VWF: variants seen among roughly 807,000 people sequenced by gnomAD.
VWF encodes the protein von Willebrand factor.
Under a neutral mutation model 308.6 loss-of-function variants are expected in VWF, and 176 were observed. The observed-to-expected ratio is 0.57, with a 90% CI of 0.50 to 0.65. VWF has a LOEUF of 0.65. VWF is among the 30% of genes least tolerant of loss of function. The pLI, the probability that VWF is intolerant of heterozygous loss-of-function variation, is 0.00. For missense variants in VWF, 3,146 were observed against 3,648.2 expected, an observed-to-expected ratio of 0.86 and a Z score of 3.55; for synonymous variants, 1,385 against 1,443.4, an observed-to-expected ratio of 0.96 and a Z score of 0.92.
At chr12:6,064,772 A>G (rs1944692654) in intron 11 of VWF, among the ~76,000 whole-genome samples, 1 of 152,118 alleles carries the variant, frequency 6.6e-6, no homozygotes, top group South Asian at 2.1e-4. Context: ...CACATGTACC[A>G]CAGAGTTCAG....
chr12:6,071,676 C>T (rs1168193414), intron 9 of VWF, among the ~76,000 whole-genome samples: 2 of 152,110 alleles, frequency 1.3e-5, no homozygotes, highest in Non-Finnish European at 2.9e-5. Context: ...AGCAAGAGAG[C>T]GATATGGAAA....
chr12:6,102,762 T>C (rs1479605331), intron 5 of VWF, among the ~76,000 whole-genome samples: 1 of 152,014 alleles, frequency 6.6e-6, no homozygotes, highest in Non-Finnish European at 1.5e-5. Flanking sequence ...AAAATAGAAT[T>C]GCCATGCTAA....
At chr12:5,988,184 C>T (rs1279958196) in intron 38 of VWF, among the ~76,000 whole-genome samples, 1 of 152,166 alleles carries the variant, frequency 6.6e-6, no homozygotes, top group Non-Finnish European at 1.5e-5. Context: ...AGGAACACTC[C>T]CGCAGTGCCC....
At chr12:6,008,750 T>C (rs967286364) in intron 34 of VWF, among the ~76,000 whole-genome samples, 3 of 152,198 alleles carry the variant, frequency 2.0e-5, no homozygotes, top group Non-Finnish European at 4.4e-5. Flanking sequence ...GACATGATCA[T>C]ATGCATAGAA....
At chr12:5,971,232 C>G (rs138299403) in intron 44 of VWF, among the ~76,000 whole-genome samples, 2 of 152,198 alleles carry the variant, frequency 1.3e-5, no homozygotes, top group Non-Finnish European at 2.9e-5. Context: ...GTCTGAGGAC[C>G]CTGCCTGGGT....
intron 14 of VWF, among the ~76,000 whole-genome samples, chr12:6,057,299 G>A (rs1308390545): frequency 1.4e-5 from 2 of 140,618 alleles, no homozygotes; most frequent in African/African-American, 2.8e-5. Flanking sequence ...GTCGAAGGAC[G>A]GGGACTATGG....
At chr12:6,120,421 G>C (rs1028667216) in intron 3 of VWF, among the ~76,000 whole-genome samples, 12 of 151,830 alleles carry the variant, frequency 7.9e-5, no homozygotes, top group African/African-American at 2.9e-4. Flanking sequence ...TCCTGCCTCA[G>C]CCTCCCAAGT....
chr12:6,025,491 G>A (rs1944179716), intron 24 of VWF, 89 bp downstream of exon 24: 1 of 1,034,540 alleles, frequency 9.7e-7, no homozygotes, highest in Non-Finnish European at 1.5e-6. Flanking sequence ...CACGAGGGTA[G>A]TGTCCACGTT....
intron 3 of VWF, among the ~76,000 whole-genome samples, chr12:6,111,443 G>T (rs753778954): frequency 5.9e-5 from 9 of 152,162 alleles, no homozygotes; most frequent in Non-Finnish European, 1.3e-4. Context: ...TGTGAACATG[G>T]CTCGCTGCAG....
At chr12:5,971,483 G>A (rs1259045982) in intron 44 of VWF, 116 bp downstream of exon 44, 14 of 845,568 alleles carry the variant, frequency 1.7e-5, no homozygotes, top group African/African-American at 6.6e-5. Context: ...CAACAGCTGG[G>A]TGAAATGCCC....
Position 5,994,141 on chromosome 12 carries a change from A to G in VWF, c.6319T>C (p.Trp2107Arg). 1.2e-6 allele frequency: 2 copies of G among 1,614,216 alleles called. No individual in the cohort carries two copies. The highest frequency in any genetic ancestry group is 1.7e-6 in the Non-Finnish European group (2 of 1,180,034). ...MLRDGTVTTD[W>R]KTLVQEWTVQ... ...GTCCATTCCTGAACAAGTGTTTTCC[A>G]GTCTGTGGTGACTGTGCCATCCCTC... Residue 2107 changes from tryptophan (W) to arginine (R), a missense_variant, in exon 37 of 52, where the codon TGG (tryptophan) becomes CGG (arginine). By Grantham distance (101) the Trp-to-Arg change is moderately radical. Around this residue, in one of 3 missense-constraint regions of VWF, gnomAD observed 989 missense variants for 1,117.4 expected, o/e 0.89. Coordinates refer to ENST00000261405, the MANE Select transcript of VWF (RefSeq NM_000552.5).
chr12:6,057,609 T>C (rs909198157), intron 14 of VWF, among the ~76,000 whole-genome samples: 1 of 88,698 alleles, frequency 1.1e-5, no homozygotes, highest in Non-Finnish European at 2.1e-5. Context: ...CTCGGTAGAC[T>C]TTTTTTTTTT....
chr12:5,960,037 C>A (rs1943294954), intron 47 of VWF, among the ~76,000 whole-genome samples: 1 of 147,534 alleles, frequency 6.8e-6, no homozygotes. Context: ...AAAGTTGGAT[C>A]TTTGAAAGAT....
At position 6,121,028 on chromosome 12, in the gene VWF, G is replaced by A. The variant is rs1945425460; in HGVS notation, c.220+146C>T. On this transcript the variant is annotated intron_variant, in intron 3 of 51. Transcript: ENST00000261405. ...CGGGGAAAGCCAAGAGGGGCTACGTGTCACAGAAAGGCTGTTCCTCTCCTT... is the reference window on the plus strand; with the variant it reads ...CGGGGAAAGCCAAGAGGGGCTACGTATCACAGAAAGGCTGTTCCTCTCCTT... The A allele has an allele frequency of 1.6e-5, 18 of 1,135,938 alleles. No homozygotes were observed. The South Asian group carries it at 2.5e-4, about 16-fold the overall frequency. 70.4% of individuals were successfully genotyped at this position (1,135,938 alleles called of 1,614,324 possible).
intron 5 of VWF, among the ~76,000 whole-genome samples, chr12:6,108,338 C>CACACAT: frequency 8.2e-6 from 1 of 122,488 alleles, no homozygotes; most frequent in Non-Finnish European, 1.6e-5. Flanking sequence ...AATATATACA[C>CACACAT]ACACACACAC....
chr12:5,952,343 GTT>G, intron 49 of VWF, 46 bp downstream of exon 49: 1 of 1,611,906 alleles, frequency 6.2e-7, no homozygotes, highest in Non-Finnish European at 8.5e-7. Flanking sequence ...GAAGAATCTT[GTT>G]CTTAGAGATT....
In VWF at chr12:6,063,548, T is replaced by C. The variant is rs1287524748; in HGVS notation, c.1433-494A>G. 6.6e-6 allele frequency among the ~76,000 whole-genome samples: 1 copy of C among 151,878 alleles called. No homozygotes were observed. The highest frequency in any genetic ancestry group is 6.5e-5 in the Admixed American group (1 of 15,270). On this transcript the variant is annotated intron_variant, in intron 12 of 51. Transcript: ENST00000261405. The surrounding 1 kb of genome is among the most constrained non-coding windows in gnomAD (Gnocchi z 4.9). ...CCCTTGCCCTGGGGGAACAAACATA[T>C]CTTATAAGGAGACACACAGCATAAC...
intron 3 of VWF, among the ~76,000 whole-genome samples, chr12:6,114,451 G>T (rs2136527377): frequency 6.6e-6 from 1 of 152,336 alleles, no homozygotes; most frequent in South Asian, 2.1e-4. Flanking sequence ...AATAAACCAA[G>T]AATTCAGCAG....
Position 6,095,277 on chromosome 12 carries a change from T to G in VWF, c.657+183A>C, listed in dbSNP as rs1228440858. 5.4e-6 allele frequency: 5 copies of G among 925,632 alleles called. No individual in the cohort carries two copies. The African/African-American group carries it at 8.1e-5, about 15-fold the overall frequency. 57.3% of individuals were successfully genotyped at this position (925,632 alleles called of 1,614,324 possible). ...ACACCAAGTCATTAGCCCAGACTCA[T>G]TTTTAGAGCTTCAGGCTCGAGATGT... On this transcript the variant is annotated intron_variant, in intron 6 of 51. Coordinates refer to ENST00000261405, the MANE Select transcript of VWF (RefSeq NM_000552.5).
Sources: gnomAD v4.1 joint callset for allele counts (sites outside exome capture counted in the v4.1 genomes callset) on GRCh38, gnomAD v4.1.1 for gene constraint, gnomAD v4.1.1 regional missense constraint, Gnocchi (gnomAD v3.1) non-coding constraint, MANE v1.5 for transcripts, NCBI Gene and HGNC (gene_info 2026-07-23, HGNC 2026-07-21) for gene names.